The following CEP85L variants were observed in gnomAD, a reference collection of about 807,000 sequenced individuals.
CEP85L encodes the protein centrosomal protein 85L.
A neutral mutation model predicts 100.3 loss-of-function variants in CEP85L; 60 were observed. The ratio of observed to expected loss-of-function variants is 0.60; its 90% CI spans 0.49 to 0.74. The LOEUF is 0.74. Ranked by LOEUF, CEP85L falls within the 30% of genes least tolerant of loss-of-function variation. The probability of loss-of-function intolerance (pLI) is 0.00; values close to 1 mark genes in which losing one functional copy is unlikely to be tolerated. For missense variants in CEP85L, 973 were observed against 936.2 expected, an observed-to-expected ratio of 1.04 and a Z score of -0.51; for synonymous variants, 319 against 322.7, an observed-to-expected ratio of 0.99 and a Z score of 0.12.
intron 3 of CEP85L, among the ~76,000 whole-genome samples, chr6:118,547,535 G>A (rs1018522765): frequency 2.0e-5 from 3 of 151,784 alleles, no homozygotes; most frequent in Non-Finnish European, 4.4e-5. Context: ...TTAAAAATTT[G>A]GTAAGATTGT....
At chr6:118,704,789 G>T (rs1777541742) in intron 1 of CEP85L, among the ~76,000 whole-genome samples, 1 of 152,056 alleles carries the variant, frequency 6.6e-6, no homozygotes, top group Non-Finnish European at 1.5e-5. Flanking sequence ...CTAGTTTTAA[G>T]CTAAGAGTTC....
intron 3 of CEP85L, among the ~76,000 whole-genome samples, chr6:118,549,130 T>C (rs1778383474): frequency 6.6e-6 from 1 of 151,894 alleles, no homozygotes; most frequent in South Asian, 2.1e-4. Flanking sequence ...AGAGAATAAT[T>C]TGATACTTTA....
chr6:118,699,814 C>T (rs1160772911), intron 1 of CEP85L, among the ~76,000 whole-genome samples: 4 of 152,150 alleles, frequency 2.6e-5, no homozygotes, highest in Admixed American at 2.6e-4. Flanking sequence ...TCTGCCTCAG[C>T]CTCCCGAGTA....
At chr6:118,483,586 G>A (rs1773953914) in intron 7 of CEP85L, 120 bp downstream of exon 7, 1 of 841,080 alleles carries the variant, frequency 1.2e-6, no homozygotes, top group Non-Finnish European at 1.8e-6. Context: ...TTTCTTATTA[G>A]AATTAAGTCC....
In CEP85L at chr6:118,693,970, G is replaced by T. The variant is rs955582115; in HGVS notation, c.-28+16066C>A. ...GTATCTAGCATTTTGGGCTTCTGGG[G>T]TGAATGGTGAGGTGTGACTTCCAGC... On this transcript the variant is annotated intron_variant, in intron 1 of 13. Transcript: ENST00000368488. 5.9e-5 allele frequency among the ~76,000 whole-genome samples: 9 copies of T among 152,244 alleles called. 1 individual carries two copies. In the South Asian group the frequency reaches 1.9e-3, roughly 32 times the overall value.
At chr6:118,472,535 TTAAGA>T (rs1310283072) in intron 10 of CEP85L, among the ~76,000 whole-genome samples, 5 of 152,032 alleles carry the variant, frequency 3.3e-5, no homozygotes, top group Admixed American at 6.5e-5. Flanking sequence ...CTAAATTGTA[TTAAGA>T]TATGTTTAAA....
At chr6:118,567,612 G>A (rs1026632451) in intron 2 of CEP85L, among the ~76,000 whole-genome samples, 1 of 152,118 alleles carries the variant, frequency 6.6e-6, no homozygotes, top group African/African-American at 2.4e-5. Context: ...AAATTGGTGT[G>A]TGGGGAGGAA....
At chr6:118,542,923 A>AAAC (rs1554216838) in intron 3 of CEP85L, among the ~76,000 whole-genome samples, 93 of 143,958 alleles carry the variant, frequency 6.5e-4, no homozygotes, top group Non-Finnish European at 1.1e-3. Context: ...AAAAAAAAAA[A>AAAC]CAGGATATTC....
At chr6:118,658,297 A>G (rs1775865142) in intron 1 of CEP85L, among the ~76,000 whole-genome samples, 1 of 152,220 alleles carries the variant, frequency 6.6e-6, no homozygotes, top group Non-Finnish European at 1.5e-5. Context: ...TTCATCTGGC[A>G]ATTATTTGTT....
At chr6:118,619,518 A>T (rs1193066923) in intron 2 of CEP85L, among the ~76,000 whole-genome samples, 2 of 151,810 alleles carry the variant, frequency 1.3e-5, no homozygotes, top group Non-Finnish European at 1.5e-5. Context: ...CCTTAGCCCC[A>T]CTCTCTTCCC....
At chr6:118,697,447 G>A (rs562974950) in intron 1 of CEP85L, among the ~76,000 whole-genome samples, 70 of 152,238 alleles carry the variant, frequency 4.6e-4, no homozygotes, top group Non-Finnish European at 8.7e-4. Context: ...AATCAAGGAC[G>A]ATATACCACT....
intron 2 of CEP85L, among the ~76,000 whole-genome samples, chr6:118,579,371 A>C (rs1265561780): frequency 6.6e-6 from 1 of 151,930 alleles, no homozygotes; most frequent in Non-Finnish European, 1.5e-5. Flanking sequence ...GTCAGAAAAA[A>C]AAAAAAACAG....
At chr6:118,519,729 G>C (rs1238036255) in intron 4 of CEP85L, among the ~76,000 whole-genome samples, 8 of 152,030 alleles carry the variant, frequency 5.3e-5, no homozygotes, top group Non-Finnish European at 4.4e-5. Context: ...AGGAGGGTCA[G>C]GAGTCTTCAC....
intron 1 of CEP85L, among the ~76,000 whole-genome samples, chr6:118,661,012 A>G (rs1775957453): frequency 6.6e-6 from 1 of 151,558 alleles, no homozygotes; most frequent in Admixed American, 6.6e-5. Context: ...CAGCCTCCCC[A>G]GTAGCTGGGA....
rs1033126893 is a variant in CEP85L at position 118,578,589 on chromosome 6, C to T, written c.233-12273G>A. 8.6e-5 allele frequency among the ~76,000 whole-genome samples: 13 copies of T among 152,006 alleles called. No individual in the cohort carries two copies. The East Asian group carries it at 1.5e-3, about 18-fold the overall frequency. On this transcript the variant is annotated intron_variant, in intron 2 of 12. Transcript: ENST00000368491. ...ACTAAAAATACAAAAATTAGCTGGGCGTGGTGGTGGGCGCCTGTAATCCCA... is the reference window on the plus strand; with the variant it reads ...ACTAAAAATACAAAAATTAGCTGGGTGTGGTGGTGGGCGCCTGTAATCCCA...
intron 3 of CEP85L, among the ~76,000 whole-genome samples, chr6:118,536,184 A>G (rs1456837375): frequency 1.3e-5 from 2 of 152,208 alleles, no homozygotes; most frequent in Non-Finnish European, 2.9e-5. Context: ...AACTACTATT[A>G]TACAAAACAA....
intron 1 of CEP85L, among the ~76,000 whole-genome samples, chr6:118,701,567 A>G (rs1777408258): frequency 6.6e-6 from 1 of 152,244 alleles, no homozygotes; most frequent in African/African-American, 2.4e-5. Flanking sequence ...AGTGGAAGTG[A>G]AACATTGAGT....
At chr6:118,639,190 C>A (rs190893449) in intron 1 of CEP85L, among the ~76,000 whole-genome samples, 7 of 152,146 alleles carry the variant, frequency 4.6e-5, no homozygotes, top group Admixed American at 4.6e-4. Context: ...ATAAGTAGCA[C>A]GCGGTTCACA....
At chr6:118,597,093 C>A (rs1236515016) in intron 2 of CEP85L, among the ~76,000 whole-genome samples, 1 of 152,108 alleles carries the variant, frequency 6.6e-6, no homozygotes, top group Non-Finnish European at 1.5e-5. Context: ...CTCCTGACAC[C>A]CTGTTAAGAG....
Sources: allele counts gnomAD v4.1 joint callset (sites outside exome capture counted in the v4.1 genomes callset), GRCh38; gene constraint gnomAD v4.1.1; transcripts MANE v1.5; gene names NCBI Gene and HGNC (gene_info 2026-07-23, HGNC 2026-07-21).